Variants in PLBD1 observed in about 807,000 individuals in gnomAD.
The protein encoded by PLBD1 is lysosomal leucine aminopeptidase.
In PLBD1, 60 loss-of-function variants were observed where a neutral mutation model predicts 63.0. The ratio of observed to expected loss-of-function variants is 0.95; its 90% CI spans 0.77 to 1.18. The LOEUF is 1.18. Among genes scored for constraint, PLBD1 ranks in the 50% most tolerant of loss-of-function variants. The pLI, the probability that PLBD1 is intolerant of heterozygous loss-of-function variation, is 0.00. For synonymous variants in PLBD1, 262 were observed against 248.0 expected, an observed-to-expected ratio of 1.06 and a Z score of -0.53; for missense variants, 598 against 677.9, an observed-to-expected ratio of 0.88 and a Z score of 1.31.
chr12:14,553,065 T>C (rs918703750), intron 2 of PLBD1, 128 bp downstream of exon 2: 1 of 852,514 alleles, frequency 1.2e-6, no homozygotes, highest in African/African-American at 1.7e-5. Context: ...ATAATGTCTC[T>C]ATCACACATG....
In PLBD1 at chr12:14,506,375, C is replaced by G. The variant is rs1002570921; in HGVS notation, c.1373-107G>C. 2.3e-5 allele frequency: 18 copies of G among 766,178 alleles called. No individual in the cohort carries two copies. In the African/African-American group the frequency reaches 2.8e-4, roughly 12 times the overall value. The allele number at this position is 766,178 out of a possible 1,614,324, so 47.5% of individuals were successfully genotyped here. On this transcript the variant is annotated intron_variant, in intron 9 of 10. Transcript: ENST00000240617. ...AAAGCCTAGATAATCAGAGAGTGTA[C>G]TCCCACAGGCCTCCTCAGCCCAGTC... is the stretch of plus-strand genomic sequence containing the variant.
At chr12:14,510,308 C>T (rs983384894) in intron 8 of PLBD1, among the ~76,000 whole-genome samples, 12 of 152,072 alleles carry the variant, frequency 7.9e-5, no homozygotes, top group Non-Finnish European at 1.2e-4. Context: ...ACAGGAGAAT[C>T]GCTTGAACCC....
intron 6 of PLBD1, among the ~76,000 whole-genome samples, chr12:14,534,771 T>C (rs2136919678): frequency 6.6e-6 from 1 of 152,318 alleles, no homozygotes; most frequent in East Asian, 1.9e-4. Context: ...CTCAATCTCC[T>C]GACCTCGTGA....
intron 2 of PLBD1, among the ~76,000 whole-genome samples, chr12:14,549,124 A>G (rs1945637706): frequency 6.6e-6 from 1 of 152,240 alleles, no homozygotes; most frequent in Admixed American, 6.5e-5. Flanking sequence ...ACTCCATTAC[A>G]TGGAAATATA....
chr12:14,524,417 T>C (rs950847242), intron 6 of PLBD1, among the ~76,000 whole-genome samples: 1 of 152,166 alleles, frequency 6.6e-6, no homozygotes, highest in Non-Finnish European at 1.5e-5. Context: ...CTGTCCCCTA[T>C]AAATATGTAC....
intron 1 of PLBD1, among the ~76,000 whole-genome samples, chr12:14,556,383 T>G (rs1945703552): frequency 6.6e-6 from 1 of 151,414 alleles, no homozygotes; most frequent in Non-Finnish European, 1.5e-5. Context: ...TTACCTTTTT[T>G]TTTTGAGATG....
At chr12:14,541,995 A>G (rs1198724616) in intron 3 of PLBD1, among the ~76,000 whole-genome samples, 1 of 152,180 alleles carries the variant, frequency 6.6e-6, no homozygotes, top group Admixed American at 6.5e-5. Context: ...GCGATATTCA[A>G]CTCAACCTTT....
Position 14,555,636 on chromosome 12 carries a change from C to T in PLBD1, c.116-2224G>A, listed in dbSNP as rs1032577544. Among the ~76,000 whole-genome samples, 14 of 152,192 alleles carry T rather than the reference C, an allele frequency of 9.2e-5. No individual in the cohort carries two copies. The East Asian group carries it at 1.3e-3, about 15-fold the overall frequency. ...CTATCCAGCTTCCTCATCACCCACA[C>T]GCACATTCGATGATCCAGAGACCAT... On this transcript the variant is annotated intron_variant, in intron 1 of 10. Coordinates refer to ENST00000240617, the MANE Select transcript of PLBD1 (RefSeq NM_024829.6).
intron 1 of PLBD1, chr12:14,553,681 T>A: frequency 2.0e-6 from 1 of 510,250 alleles, no homozygotes; most frequent in Non-Finnish European, 3.5e-6. Flanking sequence ...TGTTTCATCC[T>A]TAGAGGGTGG....
chr12:14,518,045 G>T (rs939693926), intron 6 of PLBD1, among the ~76,000 whole-genome samples: 2 of 152,070 alleles, frequency 1.3e-5, no homozygotes, highest in African/African-American at 4.8e-5. Context: ...GCCGGGCGTG[G>T]TCACACACAC....
At chr12:14,515,408 T>TAA (rs201873875) in intron 6 of PLBD1, among the ~76,000 whole-genome samples, 2 of 147,022 alleles carry the variant, frequency 1.4e-5, no homozygotes, top group South Asian at 4.3e-4. Flanking sequence ...GAAAGGTACT[T>TAA]AAAAAAAAAA....
intron 8 of PLBD1, among the ~76,000 whole-genome samples, chr12:14,507,620 A>T (rs141067610): frequency 9.7e-4 from 148 of 152,332 alleles, no homozygotes; most frequent in Non-Finnish European, 1.7e-3. Flanking sequence ...ATCAGGTCTT[A>T]GGCAGGCAAC....
At chr12:14,508,426 G>A (rs1030472231) in intron 8 of PLBD1, among the ~76,000 whole-genome samples, 5 of 152,164 alleles carry the variant, frequency 3.3e-5, no homozygotes, top group Admixed American at 6.5e-5. Context: ...AATGAATAAC[G>A]AAAATGTCTA....
chr12:14,540,967 A>G, intron 3 of PLBD1, 65 bp from the exon 4 acceptor site: 2 of 1,443,234 alleles, frequency 1.4e-6, no homozygotes, highest in Non-Finnish European at 1.9e-6. Flanking sequence ...AAATCAAAGC[A>G]GGCATTGAGA....
chr12:14,556,932 C>A (rs535284864), intron 1 of PLBD1, among the ~76,000 whole-genome samples: 1 of 136,518 alleles, frequency 7.3e-6, no homozygotes, highest in Non-Finnish European at 1.5e-5. Context: ...TGCAGTGAGC[C>A]GAGATCGTGC....
intron 2 of PLBD1, among the ~76,000 whole-genome samples, chr12:14,548,763 T>A (rs1305880193): frequency 6.6e-6 from 1 of 152,212 alleles, no homozygotes; most frequent in Non-Finnish European, 1.5e-5. Context: ...CTACGTTTCT[T>A]CCTATCCTCA....
chr12:14,532,546 C>T (rs1022069222), intron 6 of PLBD1, among the ~76,000 whole-genome samples: 2 of 152,168 alleles, frequency 1.3e-5, no homozygotes, highest in Non-Finnish European at 2.9e-5. Flanking sequence ...CTCAGTTATG[C>T]ACCATCTTGC....
chr12:14,563,831 G>A (rs1945761428), intron 1 of PLBD1, among the ~76,000 whole-genome samples: 1 of 152,134 alleles, frequency 6.6e-6, no homozygotes, highest in South Asian at 2.1e-4. Context: ...TCCTCTTGCT[G>A]GAATTCTGTG....
intron 6 of PLBD1, among the ~76,000 whole-genome samples, chr12:14,525,392 C>G (rs868390608): frequency 2.6e-5 from 4 of 151,932 alleles, no homozygotes; most frequent in Admixed American, 2.6e-4. Flanking sequence ...ATTTACAAAG[C>G]CCCAAAGACT....
Sources: gnomAD v4.1 joint callset for allele counts (sites outside exome capture counted in the v4.1 genomes callset) on GRCh38, gnomAD v4.1.1 for gene constraint, MANE v1.5 for transcripts, NCBI Gene and HGNC (gene_info 2026-07-23, HGNC 2026-07-21) for gene names.